The following SEC63 variants were observed in gnomAD, a reference collection of about 807,000 sequenced individuals.
SEC63 encodes the protein translocation protein SEC63 homolog.
Under a neutral mutation model 116.2 loss-of-function variants are expected in SEC63, and 56 were observed. The observed-to-expected ratio is 0.48, with a 90% CI of 0.39 to 0.60. SEC63 has a LOEUF of 0.60. Ranked by LOEUF, SEC63 falls within the 20% of genes least tolerant of loss-of-function variation. SEC63 has a pLI of 0.00. For synonymous variants in SEC63, 273 were observed against 294.6 expected, an observed-to-expected ratio of 0.93 and a Z score of 0.75; for missense variants, 668 against 900.0, an observed-to-expected ratio of 0.74 and a Z score of 3.30.
In SEC63 at chr6:107,929,486, T is replaced by A. The variant is rs1249177612; in HGVS notation, c.153A>T (p.Lys51Asn). ...GATACCACATACACCTTCCATATAC[T>A]TTTCTGATATTCTTTAATCGAATTT... ...AEQIRLKNIR[K>N]VYGRCMWYRL... Residue 51 changes from lysine to asparagine, a missense_variant, in exon 2 of 21, where the codon AAA becomes AAT. Physicochemically the swap from Lys to Asn is moderately conservative, Grantham distance 94. Around this residue, in one of 5 missense-constraint regions of SEC63, gnomAD observed 142 missense variants for 169.5 expected, o/e 0.84. Coordinates refer to ENST00000369002, the MANE Select transcript of SEC63 (RefSeq NM_007214.5). The A allele has an allele frequency of 6.3e-7, 1 of 1,598,436 alleles. No individual in the cohort carries two copies. Among genetic ancestry groups the A allele is most frequent in the Non-Finnish European group, 8.6e-7 (1 of 1,166,052 alleles).
At position 107,902,848 on chromosome 6, in the gene SEC63, T is replaced by G. The variant is rs1787038714; in HGVS notation, c.1205A>C (p.Lys402Thr). 6.2e-7 allele frequency: 1 copy of G among 1,613,754 alleles called. No homozygotes were observed. Among genetic ancestry groups the G allele is most frequent in the Admixed American group, 1.7e-5 (1 of 59,994 alleles). ...EDNLRRVSNH[K>T]KYKIKTIQDL... is the part of the protein sequence containing the mutation. ...TTTAAAGTAGCAAAGAATTACCTTC[T>G]TATGATTAGAAACCCGTCTAAGATT... Residue 402 changes from lysine (K) to threonine (T), a missense_variant, in exon 12 of 21, where the codon AAG becomes ACG. This residue lies in a region of SEC63 where 430 missense variants were observed against 557.5 expected (regional missense o/e 0.77). Transcript: ENST00000369002.
chr6:107,893,448 TTAATAATGA>T, intron 16 of SEC63, 25 bp downstream of exon 16: 1 of 1,590,290 alleles, frequency 6.3e-7, no homozygotes, highest in South Asian at 1.1e-5. Context: ...ATATTTTAGC[TTAATAATGA>T]TAATAACGAT....
chr6:107,913,682 T>C (rs1787336814), intron 4 of SEC63, among the ~76,000 whole-genome samples: 1 of 152,194 alleles, frequency 6.6e-6, no homozygotes, highest in African/African-American at 2.4e-5. Context: ...CCAGTTCTCA[T>C]GTTCAACCAG....
rs1562321180 is a variant in SEC63, at chr6:107,900,053, C to A, written c.1357+1317G>T. Among the ~76,000 whole-genome samples, 5 of 152,300 alleles carry A rather than the reference C, an allele frequency of 3.3e-5. No individual in the cohort carries two copies. The South Asian group carries it at 1.0e-3, about 32-fold the overall frequency. On this transcript the variant is annotated intron_variant, in intron 13 of 20. Coordinates refer to ENST00000369002, the MANE Select transcript of SEC63 (RefSeq NM_007214.5). ...CAGAGGGTATGTCTTACCACTGCTT[C>A]CCTAGCACCTAGAGGAGTGCACAGC...
chr6:107,954,658 G>C (rs1770672527), intron 1 of SEC63: 1 of 152,058 alleles, frequency 6.6e-6, no homozygotes, highest in South Asian at 2.1e-4. Context: ...GTCAGTACAA[G>C]TCGGCAAATT....
chr6:107,882,455 A>C (rs1438565095), intron 17 of SEC63, among the ~76,000 whole-genome samples: 1 of 152,178 alleles, frequency 6.6e-6, no homozygotes, highest in African/African-American at 2.4e-5. Context: ...CACCATATTA[A>C]TAAATTCTGT....
chr6:107,873,141 G>A (rs756391453), intron 19 of SEC63, among the ~76,000 whole-genome samples: 48 of 152,150 alleles, frequency 3.2e-4, no homozygotes, highest in Non-Finnish European at 6.3e-4. Context: ...CAGAACTGAT[G>A]AGGTTAATTT....
intron 4 of SEC63, among the ~76,000 whole-genome samples, chr6:107,915,055 ATT>A (rs897174355): frequency 2.0e-5 from 3 of 152,150 alleles, no homozygotes; most frequent in Non-Finnish European, 4.4e-5. Flanking sequence ...AAGCAAATGA[ATT>A]TTTGTTACTT....
intron 19 of SEC63, among the ~76,000 whole-genome samples, chr6:107,874,450 G>GC (rs1366584367): frequency 1.3e-5 from 2 of 151,914 alleles, no homozygotes; most frequent in Non-Finnish European, 2.9e-5. Flanking sequence ...TAAAAAATTA[G>GC]CTGGGTGCAG....
intron 1 of SEC63, among the ~76,000 whole-genome samples, chr6:107,949,762 T>A (rs1770542924): frequency 1.3e-5 from 2 of 152,166 alleles, no homozygotes; most frequent in Non-Finnish European, 2.9e-5. Context: ...CCTGAGTAGC[T>A]AGGACTAAAG....
intron 4 of SEC63, among the ~76,000 whole-genome samples, chr6:107,915,424 C>T (rs1349859995): frequency 6.6e-6 from 1 of 152,068 alleles, no homozygotes; most frequent in African/African-American, 2.4e-5. Flanking sequence ...GTTGGCTATG[C>T]ACAGTTATTA....
chr6:107,882,442 T>C (rs776884973), intron 17 of SEC63, among the ~76,000 whole-genome samples: 3 of 152,186 alleles, frequency 2.0e-5, no homozygotes, highest in Non-Finnish European at 2.9e-5. Flanking sequence ...CGCTATACTT[T>C]TACACCATAT....
chr6:107,916,647 C>T (rs977704619), intron 4 of SEC63, among the ~76,000 whole-genome samples: 2 of 152,226 alleles, frequency 1.3e-5, no homozygotes, highest in African/African-American at 4.8e-5. Context: ...CATGTGCTCA[C>T]TTCATGTCCC....
Position 107,897,660 on chromosome 6 carries a change from G to C in SEC63, c.1429C>G (p.Gln477Glu), listed in dbSNP as rs776546877. The C allele has an allele frequency of 3.8e-6, 6 of 1,597,820 alleles. No homozygotes were observed. The highest frequency in any genetic ancestry group is 5.1e-6 in the Non-Finnish European group (6 of 1,165,544). ...GATAGACTACTTACAGCCATTGTTT[G>C]CCTTGTCAACTTAACCAACACTGTA... ...LVTVLVKLTR[Q>E]TMAEVFEKEQ... The change falls in exon 14 of 21, where the codon CAA becomes GAA. Residue 477 changes from glutamine (Q) to glutamate (E), a missense_variant. Gln to Glu is a conservative substitution (Grantham distance 29). Transcript: ENST00000369002.
chr6:107,943,202 A>G (rs1470056365), intron 1 of SEC63, among the ~76,000 whole-genome samples: 1 of 152,246 alleles, frequency 6.6e-6, no homozygotes, highest in African/African-American at 2.4e-5. Flanking sequence ...ATGGCTATAA[A>G]ATTATTACAG....
chr6:107,919,326 GTGACTGAAT>G (rs1002134175), intron 4 of SEC63, among the ~76,000 whole-genome samples: 2 of 152,216 alleles, frequency 1.3e-5, no homozygotes, highest in Non-Finnish European at 2.9e-5. Flanking sequence ...ACCTGAAGAT[GTGACTGAAT>G]TGCTGCAATC....
At chr6:107,919,522 C>T (rs1377865548) in intron 4 of SEC63, among the ~76,000 whole-genome samples, 1 of 152,080 alleles carries the variant, frequency 6.6e-6, no homozygotes, top group African/African-American at 2.4e-5. Context: ...GGATTGACTC[C>T]AATTTTGAAA....
At chr6:107,931,486 TAAA>T (rs56166744) in intron 1 of SEC63, among the ~76,000 whole-genome samples, 8 of 146,704 alleles carry the variant, frequency 5.5e-5, no homozygotes, top group Admixed American at 2.0e-4. Context: ...CTCCCAAGTT[TAAA>T]AAAAAAAAAA....
intron 16 of SEC63, among the ~76,000 whole-genome samples, chr6:107,884,910 A>T (rs552679815): frequency 7.5e-6 from 1 of 132,626 alleles, no homozygotes; most frequent in East Asian, 2.1e-4. Context: ...AATCTAATTC[A>T]ACAGAAAGGA....
Sources: gnomAD v4.1 joint callset for allele counts (sites outside exome capture counted in the v4.1 genomes callset) on GRCh38, gnomAD v4.1.1 for gene constraint, gnomAD v4.1.1 regional missense constraint, MANE v1.5 for transcripts, NCBI Gene and HGNC (gene_info 2026-07-23, HGNC 2026-07-21) for gene names.